COL21A1: variants seen among roughly 807,000 people sequenced by gnomAD.
COL21A1 encodes collagen type XXI alpha 1 chain.
COL21A1 carries 149 observed loss-of-function variants against 137.9 expected under a neutral mutation model. The ratio of observed to expected loss-of-function variants is 1.08; its 90% CI spans 0.95 to 1.24. The LOEUF is 1.24. Ranked by LOEUF, COL21A1 falls within the 50% of genes most tolerant of loss-of-function variation. The pLI is 0.00. For synonymous variants in COL21A1, 456 were observed against 391.5 expected, an observed-to-expected ratio of 1.16 and a Z score of -1.95; for missense variants, 1,167 against 1,158.4, an observed-to-expected ratio of 1.01 and a Z score of -0.11.
At chr6:56,236,549 G>T (rs921566091) in intron 1 of COL21A1, among the ~76,000 whole-genome samples, 1 of 151,984 alleles carries the variant, frequency 6.6e-6, no homozygotes, top group Non-Finnish European at 1.5e-5. Flanking sequence ...AGAAACATTT[G>T]TTCAAACTGA....
intron 1 of COL21A1, among the ~76,000 whole-genome samples, chr6:56,221,236 C>T (rs544640404): frequency 6.6e-6 from 1 of 152,144 alleles, no homozygotes; most frequent in Non-Finnish European, 1.5e-5. Context: ...TCTGTGGCAC[C>T]AAATCCCTCT....
intron 12 of COL21A1, among the ~76,000 whole-genome samples, chr6:56,130,165 T>TTAAA (rs1773410853): frequency 9.3e-6 from 1 of 107,942 alleles, no homozygotes; most frequent in African/African-American, 3.6e-5. Context: ...TGACAGGGTT[T>TTAAA]TATATATATA....
At chr6:56,086,971 C>T (rs1258067324) in intron 17 of COL21A1, among the ~76,000 whole-genome samples, 2 of 152,196 alleles carry the variant, frequency 1.3e-5, no homozygotes, top group African/African-American at 2.4e-5. Flanking sequence ...TCATCACCAT[C>T]AAGTTGTCTT....
At chr6:56,364,769 A>G (rs980481657) in intron 1 of COL21A1, among the ~76,000 whole-genome samples, 5 of 85,806 alleles carry the variant, frequency 5.8e-5, no homozygotes, top group Non-Finnish European at 9.8e-5. Context: ...GCCCAGGAAA[A>G]AAAAAAAAAA....
At chr6:56,367,639 C>A (rs1436004209) in intron 1 of COL21A1, among the ~76,000 whole-genome samples, 1 of 152,186 alleles carries the variant, frequency 6.6e-6, no homozygotes, top group African/African-American at 2.4e-5. Context: ...GGAACATTAA[C>A]CTCTGAATTC....
intron 15 of COL21A1, 43 bp from the exon 16 acceptor site, chr6:56,124,158 T>A (rs1027610275): frequency 3.3e-6 from 5 of 1,532,900 alleles, no homozygotes; most frequent in Non-Finnish European, 4.4e-6. Context: ...TTTGCACTAA[T>A]TTTTTCTCTT....
At chr6:56,303,903 C>A (rs1014487320) in intron 1 of COL21A1, among the ~76,000 whole-genome samples, 9 of 152,128 alleles carry the variant, frequency 5.9e-5, no homozygotes, top group African/African-American at 2.2e-4. Context: ...TGAGATATGT[C>A]CCATCAATAC....
At chr6:56,236,211 AGCTGTCTTCAAAT>A (rs1187967266) in intron 1 of COL21A1, among the ~76,000 whole-genome samples, 1 of 152,026 alleles carries the variant, frequency 6.6e-6, no homozygotes, top group Non-Finnish European at 1.5e-5. Flanking sequence ...GGCATATATT[AGCTGTCTTCAAAT>A]GCTGGGAACA....
chr6:56,357,178 G>A (rs1765853704), intron 1 of COL21A1, among the ~76,000 whole-genome samples: 1 of 152,068 alleles, frequency 6.6e-6, no homozygotes, highest in African/African-American at 2.4e-5. Flanking sequence ...TAGTGCTATA[G>A]TTTCACTGAA....
At chr6:56,378,757 AG>A (rs2094004005) in intron 1 of COL21A1, among the ~76,000 whole-genome samples, 1 of 152,190 alleles carries the variant, frequency 6.6e-6, no homozygotes, top group Non-Finnish European at 1.5e-5. Flanking sequence ...GAGTGGTTAC[AG>A]GGGGCCTTGG....
intron 17 of COL21A1, chr6:56,078,152 G>A (rs1390770060): frequency 2.2e-6 from 1 of 455,810 alleles, no homozygotes; most frequent in Non-Finnish European, 4.4e-6. Context: ...AGAAGTACAG[G>A]TCACTCTTTC....
chr6:56,190,863 G>T (rs1432724795), intron 1 of COL21A1, among the ~76,000 whole-genome samples: 1 of 152,146 alleles, frequency 6.6e-6, no homozygotes, highest in Non-Finnish European at 1.5e-5. Context: ...AATAGGTGCA[G>T]AAAAGGCCTT....
At position 56,145,054 on chromosome 6, in the gene COL21A1, A is replaced by G. The variant is rs16887596; in HGVS notation, c.1435-3071T>C. The stretch of plus-strand genomic sequence containing the variant: ...TCAATGACTATTGTACAAGACCACA[A>G]GAATACTTCTGCAGAATGTTACTCC... On this transcript the variant is annotated intron_variant, in intron 10 of 29. Coordinates refer to ENST00000244728, the MANE Select transcript of COL21A1 (RefSeq NM_030820.4). 5.8e-3 allele frequency among the ~76,000 whole-genome samples: 880 copies of G among 152,302 alleles called. 17 individuals carry two copies. The East Asian group carries it at 0.074, about 13-fold the overall frequency.
intron 1 of COL21A1, among the ~76,000 whole-genome samples, chr6:56,200,388 T>C (rs1294060809): frequency 2.6e-5 from 4 of 152,022 alleles, no homozygotes; most frequent in African/African-American, 2.4e-5. Context: ...ATGTGCCATG[T>C]TGGTGTGCTG....
chr6:56,139,127 G>C (rs1774214405), intron 12 of COL21A1, among the ~76,000 whole-genome samples: 1 of 152,068 alleles, frequency 6.6e-6, no homozygotes, highest in Non-Finnish European at 1.5e-5. Context: ...TTCAGATGCA[G>C]CACTTCAACA....
At chr6:56,209,279 G>T (rs1459854542) in intron 1 of COL21A1, among the ~76,000 whole-genome samples, 2 of 152,108 alleles carry the variant, frequency 1.3e-5, no homozygotes, top group Non-Finnish European at 2.9e-5. Flanking sequence ...ATTGACAAAT[G>T]GGATCTAATT....
chr6:56,074,330 A>T, intron 19 of COL21A1, 45 bp from the exon 20 acceptor site: 1 of 1,232,728 alleles, frequency 8.1e-7, no homozygotes, highest in Non-Finnish European at 1.1e-6. Flanking sequence ...AGAGAAGATT[A>T]TTAAAAAATA....
chr6:56,181,571 T>A (rs943541794), intron 2 of COL21A1, among the ~76,000 whole-genome samples: 1 of 151,972 alleles, frequency 6.6e-6, no homozygotes, highest in African/African-American at 2.4e-5. Flanking sequence ...TTCCTACCCT[T>A]CTCCCTGTCA....
chr6:56,138,703 G>A (rs1774183658), intron 12 of COL21A1, among the ~76,000 whole-genome samples: 1 of 152,098 alleles, frequency 6.6e-6, no homozygotes, highest in Non-Finnish European at 1.5e-5. Context: ...AGGTTGGGAT[G>A]GAAGTCCTAC....
Sources: gnomAD v4.1 joint callset for allele counts (sites outside exome capture counted in the v4.1 genomes callset) on GRCh38, gnomAD v4.1.1 for gene constraint, MANE v1.5 for transcripts, NCBI Gene and HGNC (gene_info 2026-07-23, HGNC 2026-07-21) for gene names.